Variants in MUS81 observed in about 807,000 individuals in gnomAD.
The protein encoded by MUS81 is structure-specific endonuclease subunit MUS81.
MUS81 carries 69 observed loss-of-function variants against 74.2 expected under a neutral mutation model. The ratio of observed to expected loss-of-function variants is 0.93; its 90% CI spans 0.77 to 1.14. The LOEUF (loss-of-function observed/expected upper bound fraction) is 1.14. Among genes scored for constraint, MUS81 ranks in the 50% most tolerant of loss-of-function variants. The probability of loss-of-function intolerance (pLI) is 0.00; values close to 1 mark genes in which losing one functional copy is unlikely to be tolerated. For synonymous variants in MUS81, 303 were observed against 300.6 expected, an observed-to-expected ratio of 1.01 and a Z score of -0.08; for missense variants, 711 against 726.5, an observed-to-expected ratio of 0.98 and a Z score of 0.25.
At chr11:65,860,266 T>C (rs1165036177), upstream of MUS81, 1 of 457,046 alleles carries the variant, frequency 2.2e-6, no homozygotes, top group South Asian at 1.5e-5. Context: ...AGTCTCCATC[T>C]CCAGCCTCCT....
rs1333711390 is a variant in MUS81 at position 65,860,891 on chromosome 11, G to A, written c.135+3G>A. On this transcript the variant is annotated splice_donor_region_variant and intron_variant, in intron 1 of 15. Coordinates refer to ENST00000308110, the MANE Select transcript of MUS81 (RefSeq NM_025128.5). ...GCACGCGCTTCGTATTTCAGAAGGT[G>A]GGTCCTGGCGTGGCCCGATGGGAAA... is the stretch of plus-strand genomic sequence containing the variant. The A allele has an allele frequency of 6.3e-7, 1 of 1,593,986 alleles. No individual in the cohort carries two copies.
At chr11:65,865,723 C>A in intron 14 of MUS81, 88 bp from the exon 15 acceptor site, 1 of 1,331,798 alleles carries the variant, frequency 7.5e-7, no homozygotes, top group Non-Finnish European at 1.1e-6. Context: ...CTCTTCCATC[C>A]CATGCTGACC....
At chr11:65,861,224 G>A in intron 2 of MUS81, 122 bp downstream of exon 2, 1 of 1,556,472 alleles carries the variant, frequency 6.4e-7, no homozygotes, top group Non-Finnish European at 8.7e-7. Flanking sequence ...TCGGCCTAGG[G>A]CTAGTGGCTG....
rs1200010973 is a variant in MUS81 at position 65,860,518 on chromosome 11, G to C, written c.-236G>C. 1.0e-5 allele frequency: 6 copies of C among 598,756 alleles called. No individual in the cohort carries two copies. Among genetic ancestry groups the C allele is most frequent in the Non-Finnish European group, 1.2e-5 (4 of 336,252 alleles). The allele number at this position is 598,756 out of a possible 1,614,324, so 37.1% of individuals were successfully genotyped here. A position where few individuals can be genotyped will look rare whatever the true frequency, so the allele number is the denominator to read the frequency against. Reference sequence around the variant, plus strand: ...TGGAGTGGAGCCAAGGGAAAAGATCGTTAGAGACAGCGCCCCTGACCAACC... The same window carrying C: ...TGGAGTGGAGCCAAGGGAAAAGATCCTTAGAGACAGCGCCCCTGACCAACC... On this transcript the variant is annotated 5_prime_UTR_variant, in exon 1 of 16. Transcript: ENST00000308110.
chr11:65,863,969 C>T, intron 10 of MUS81, 68 bp downstream of exon 10: 2 of 1,507,384 alleles, frequency 1.3e-6, no homozygotes, highest in Non-Finnish European at 9.2e-7. Flanking sequence ...CAGAGCAATC[C>T]AGGGGCACTT....
chr11:65,862,632 G>GT (rs1445150075), intron 6 of MUS81, 103 bp downstream of exon 6: 2 of 1,109,438 alleles, frequency 1.8e-6, no homozygotes, highest in South Asian at 1.4e-5. Context: ...GAGATTGGGG[G>GT]GGGTGGGCCT....
Position 65,863,128 on chromosome 11 carries a change from C to A in MUS81, c.669C>A (p.Ser223Arg). 6.2e-7 allele frequency: 1 copy of A among 1,614,172 alleles called. No homozygotes were observed. The highest frequency in any genetic ancestry group is 1.1e-5 in the South Asian group (1 of 91,092). Residue 223 changes from serine (S) to arginine (R), a missense_variant, in exon 7 of 16, where the codon AGC (serine) becomes AGA (arginine). Coordinates refer to ENST00000308110, the MANE Select transcript of MUS81 (RefSeq NM_025128.5). ...AQKLAESEGL[S>R]LLNVGIGPKE... ...AGTTGGCCGAGTCAGAAGGCCTGAG[C>A]TTGCTGAATGTGGGCATCGGGCCCA...
At position 65,866,111 on chromosome 11, in the gene MUS81, CTTT is replaced by C; in HGVS notation, c.*61_*63del. On this transcript the variant is annotated 3_prime_UTR_variant, in exon 16 of 16. Coordinates refer to ENST00000308110, the MANE Select transcript of MUS81 (RefSeq NM_025128.5). ...TGTCCCCCAACCCAGGCTAGCCAGCCTTTTAACAACATCTTTTGGGGTACAATT... is the reference window on the plus strand; with the variant it reads ...TGTCCCCCAACCCAGGCTAGCCAGCCTAACAACATCTTTTGGGGTACAATT... 1.3e-6 allele frequency: 2 copies of C among 1,490,528 alleles called. No individual in the cohort carries two copies. Among genetic ancestry groups the C allele is most frequent in the Non-Finnish European group, 1.8e-6 (2 of 1,088,074 alleles). The allele number at this position is 1,490,528 out of a possible 1,614,324, so 92.3% of individuals were successfully genotyped here.
rs757089333 is a variant in MUS81, at chr11:65,863,787, G to T, written c.962-17G>T. The T allele has an allele frequency of 6.2e-7, 1 of 1,614,048 alleles. No homozygotes were observed. Among genetic ancestry groups the T allele is most frequent in the African/African-American group, 1.3e-5 (1 of 74,916 alleles). Reference sequence around the variant, plus strand: ...GGTGGGTAGGGGATCGCAAGCTAACGGCTGGCTTGTCAGCAGCAAACCCTG... The same window carrying T: ...GGTGGGTAGGGGATCGCAAGCTAACTGCTGGCTTGTCAGCAGCAAACCCTG... On this transcript the variant is annotated splice_polypyrimidine_tract_variant and intron_variant, in intron 9 of 15. Coordinates refer to ENST00000308110, the MANE Select transcript of MUS81 (RefSeq NM_025128.5).
chr11:65,866,889 C>G (rs775357834), downstream of MUS81: 1 of 1,613,782 alleles, frequency 6.2e-7, no homozygotes, highest in Non-Finnish European at 8.5e-7. Context: ...GCTAGGGTAG[C>G]TGCAGGGAGG....
intron 6 of MUS81, among the ~76,000 whole-genome samples, chr11:65,862,809 G>A (rs1252333273): frequency 6.6e-6 from 1 of 152,246 alleles, no homozygotes; most frequent in Non-Finnish European, 1.5e-5. Context: ...GTATTCCGAG[G>A]AGGAGGAAAC....
intron 12 of MUS81, 24 bp downstream of exon 12, chr11:65,864,839 T>G: frequency 6.2e-7 from 1 of 1,605,634 alleles, no homozygotes; most frequent in South Asian, 1.1e-5. Flanking sequence ...CCTTTCCCAG[T>G]GTCGGGACAG....
rs772028651 is a variant in MUS81 at position 65,861,061 on chromosome 11, G to A, written c.224G>A (p.Arg75Gln). The A allele has an allele frequency of 2.5e-6, 4 of 1,612,618 alleles. No individual in the cohort carries two copies. The highest frequency in any genetic ancestry group is 1.3e-5 in the African/African-American group (1 of 75,046). ...ILQHFGDGLC[R>Q]MLDERLQRHR... ...CAGCACTTCGGAGACGGGCTCTGCCGGATGCTGGACGAGCGGCTGCAGCGG... is the reference window on the plus strand; with the variant it reads ...CAGCACTTCGGAGACGGGCTCTGCCAGATGCTGGACGAGCGGCTGCAGCGG... Residue 75 changes from arginine to glutamine, a missense_variant, in exon 2 of 16, where the codon CGG becomes CAG. Physicochemically the swap from Arg to Gln is conservative, Grantham distance 43. Coordinates refer to ENST00000308110, the MANE Select transcript of MUS81 (RefSeq NM_025128.5).
At chr11:65,865,674 C>T in intron 14 of MUS81, 137 bp from the exon 15 acceptor site, 1 of 897,374 alleles carries the variant, frequency 1.1e-6, no homozygotes, top group Non-Finnish European at 1.7e-6. Flanking sequence ...TGGCATGGGG[C>T]CTTGAGTGCC....
chr11:65,860,922 C>T (rs755794898), intron 1 of MUS81, 34 bp downstream of exon 1: 1 of 1,605,286 alleles, frequency 6.2e-7, no homozygotes, highest in Non-Finnish European at 8.5e-7. Flanking sequence ...GGAAAAGCTG[C>T]TGGCCAGGTC....
Position 65,860,475 on chromosome 11 carries a change from C to T in MUS81, c.-279C>T, listed in dbSNP as rs116208358. ...CCAGGCTCCGGGGGCTGGGAAAGGG[C>T]GCGTCTCAAAGGCTGGCTGGAGTGG... On this transcript the variant is annotated 5_prime_UTR_variant, in exon 1 of 16. Coordinates refer to ENST00000308110, the MANE Select transcript of MUS81 (RefSeq NM_025128.5). 4,777 of 553,254 alleles carry T rather than the reference C, an allele frequency of 8.6e-3. 158 individuals carry two copies. Among genetic ancestry groups the T allele is most frequent in the African/African-American group, 0.074 (3,921 of 52,858 alleles). The allele number at this position is 553,254 out of a possible 1,614,324, so 34.3% of individuals were successfully genotyped here. A position where few individuals can be genotyped will look rare whatever the true frequency, so the allele number is the denominator to read the frequency against.
downstream of MUS81, chr11:65,866,728 C>T (rs951322003): frequency 4.8e-5 from 36 of 757,520 alleles, no homozygotes; most frequent in African/African-American, 5.3e-4. Flanking sequence ...CATATAGAGA[C>T]CCCCATTTAG....
chr11:65,865,406 G>C, intron 14 of MUS81, 83 bp downstream of exon 14: 2 of 1,387,018 alleles, frequency 1.4e-6, no homozygotes, highest in Non-Finnish European at 2.0e-6. Context: ...TCGTGGAGGG[G>C]GCCTGGCCTT....
chr11:65,867,454 C>T (rs952250129), downstream of MUS81: 5 of 427,694 alleles, frequency 1.2e-5, no homozygotes, highest in Admixed American at 1.4e-4. Flanking sequence ...TAGACAAACC[C>T]CTTCTCCTGC....
Sources: gnomAD v4.1 joint callset for allele counts (sites outside exome capture counted in the v4.1 genomes callset) on GRCh38, gnomAD v4.1.1 for gene constraint, MANE v1.5 for transcripts, NCBI Gene and HGNC (gene_info 2026-07-23, HGNC 2026-07-21) for gene names.